The following PRKG1 variants were observed in gnomAD, a reference collection of about 807,000 sequenced individuals.
PRKG1 encodes the protein protein kinase cGMP-dependent 1.
PRKG1 carries 35 observed loss-of-function variants against 88.1 expected under a neutral mutation model. The observed-to-expected ratio is 0.40, with a 90% CI of 0.30 to 0.53. The LOEUF is 0.53. PRKG1 is among the 20% of genes least tolerant of loss of function. PRKG1 has a pLI of 0.59. For synonymous variants in PRKG1, 303 were observed against 292.5 expected, an observed-to-expected ratio of 1.04 and a Z score of -0.37; for missense variants, 540 against 839.8, an observed-to-expected ratio of 0.64 and a Z score of 4.41.
chr10:51,773,041 G>A (rs1021365302), intron 3 of PRKG1, among the ~76,000 whole-genome samples: 10 of 152,160 alleles, frequency 6.6e-5, no homozygotes, highest in Admixed American at 2.6e-4. Flanking sequence ...CAAAGTCATT[G>A]TTTATTTAAT....
At chr10:51,630,593 C>T (rs1184727115) in intron 3 of PRKG1, among the ~76,000 whole-genome samples, 1 of 152,168 alleles carries the variant, frequency 6.6e-6, no homozygotes, top group African/African-American at 2.4e-5. Context: ...AAATGTATCT[C>T]ACAAAAACAA....
At chr10:52,042,309 T>C (rs933250060) in intron 5 of PRKG1, among the ~76,000 whole-genome samples, 11 of 152,142 alleles carry the variant, frequency 7.2e-5, no homozygotes, top group African/African-American at 2.7e-4. Flanking sequence ...AGCATCACAC[T>C]ACCTGACTTC....
chr10:51,874,354 C>T (rs932466565), intron 4 of PRKG1, among the ~76,000 whole-genome samples: 5 of 152,044 alleles, frequency 3.3e-5, no homozygotes, highest in South Asian at 2.1e-4. Flanking sequence ...TTGCAGAAAA[C>T]GTAAAAGTTA....
At chr10:51,095,406 A>C (rs895316856) in intron 1 of PRKG1, among the ~76,000 whole-genome samples, 1 of 152,074 alleles carries the variant, frequency 6.6e-6, no homozygotes, top group Non-Finnish European at 1.5e-5. Context: ...TGCACACTTA[A>C]CTCAGGTTCA....
intron 1 of PRKG1, among the ~76,000 whole-genome samples, chr10:50,993,839 G>GTTT (rs1050820029): frequency 1.3e-5 from 2 of 152,116 alleles, no homozygotes; most frequent in Non-Finnish European, 2.9e-5. Flanking sequence ...TGTTGTTGTT[G>GTTT]TTTGTATGTA....
At chr10:51,413,672 A>T (rs535118538) in intron 2 of PRKG1, among the ~76,000 whole-genome samples, 20 of 152,220 alleles carry the variant, frequency 1.3e-4, no homozygotes, top group Admixed American at 2.6e-4. Context: ...AAAAGTTTTT[A>T]AAAAAATACT....
chr10:51,484,158 A>G (rs1466588862), intron 3 of PRKG1, among the ~76,000 whole-genome samples: 1 of 152,202 alleles, frequency 6.6e-6, no homozygotes, highest in African/African-American at 2.4e-5. Flanking sequence ...AGTCTATAGC[A>G]TGAAACAGGA....
In PRKG1 at chr10:51,105,390, G is replaced by A. The variant is rs372519096; in HGVS notation, c.311+30489G>A. 2.9e-4 allele frequency among the ~76,000 whole-genome samples: 44 copies of A among 152,204 alleles called. 1 individual carries two copies. The East Asian group carries it at 7.5e-3, about 26-fold the overall frequency. ...CTCTATTAGACTGATCTCCTACCTT[G>A]GATGTGTGGTATTATGTGATGAAGG... On this transcript the variant is annotated intron_variant, in intron 1 of 17. Coordinates refer to ENST00000373980, the MANE Select transcript of PRKG1 (RefSeq NM_006258.4).
At chr10:51,720,455 G>A (rs984874779) in intron 3 of PRKG1, among the ~76,000 whole-genome samples, 23 of 152,192 alleles carry the variant, frequency 1.5e-4, no homozygotes, top group Non-Finnish European at 7.3e-5. Flanking sequence ...TTTACAGCCT[G>A]TCATGTCCTG....
At chr10:51,980,682 A>G (rs1403595525) in intron 5 of PRKG1, among the ~76,000 whole-genome samples, 1 of 152,228 alleles carries the variant, frequency 6.6e-6, no homozygotes, top group Non-Finnish European at 1.5e-5. Flanking sequence ...GGGCATGTAT[A>G]TATTTAGGAT....
chr10:51,446,254 C>T (rs1044284448), intron 2 of PRKG1, among the ~76,000 whole-genome samples: 3 of 151,770 alleles, frequency 2.0e-5, no homozygotes, highest in African/African-American at 7.3e-5. Context: ...CTTTTCTTTC[C>T]TTCTTTTCTT....
chr10:51,300,973 T>C (rs1840868574), intron 2 of PRKG1, among the ~76,000 whole-genome samples: 1 of 152,226 alleles, frequency 6.6e-6, no homozygotes, highest in African/African-American at 2.4e-5. Context: ...TAATACTAAC[T>C]GAAGGTCCCA....
chr10:51,606,538 T>C (rs1291611067), intron 3 of PRKG1, among the ~76,000 whole-genome samples: 2 of 152,220 alleles, frequency 1.3e-5, no homozygotes, highest in Non-Finnish European at 2.9e-5. Flanking sequence ...AAAGAATTAA[T>C]GGCATCTTTT....
rs896359914 is a variant in PRKG1, at chr10:51,285,142, G to A, written c.478+131812G>A. Among the ~76,000 whole-genome samples the A allele has an allele frequency of 6.8e-5, 10 of 146,006 alleles. 1 individual carries two copies. Among genetic ancestry groups the A allele is most frequent in the African/African-American group, 1.5e-4 (6 of 39,186 alleles). On this transcript the variant is annotated intron_variant, in intron 2 of 17. Transcript: ENST00000373980. ...TTCCCACCTATGAGTGAGAATATGC[G>A]GTGTTTGGTTTTTTGTTCTTGCGAT...
At chr10:51,004,978 G>A (rs2132718523) in intron 1 of PRKG1, among the ~76,000 whole-genome samples, 1 of 152,014 alleles carries the variant, frequency 6.6e-6, no homozygotes, top group South Asian at 2.1e-4. Context: ...AGGGAGATTT[G>A]GACATATATG....
intron 4 of PRKG1, among the ~76,000 whole-genome samples, chr10:51,822,369 G>T (rs1383925496): frequency 6.6e-6 from 1 of 152,064 alleles, no homozygotes; most frequent in African/African-American, 2.4e-5. Context: ...ACTAAAAAAA[G>T]TAGAACTCCT....
intron 4 of PRKG1, among the ~76,000 whole-genome samples, chr10:51,859,578 A>G (rs1589365444): frequency 6.6e-6 from 1 of 152,162 alleles, no homozygotes; most frequent in Admixed American, 6.5e-5. Context: ...AAATAATTGA[A>G]TATTACATGC....
At chr10:51,759,095 A>G (rs1837950585) in intron 3 of PRKG1, among the ~76,000 whole-genome samples, 1 of 152,070 alleles carries the variant, frequency 6.6e-6, no homozygotes, top group Admixed American at 6.5e-5. Flanking sequence ...CAAATCTATC[A>G]TTGATGAGCA....
chr10:51,231,012 A>T (rs1453909198), intron 2 of PRKG1, among the ~76,000 whole-genome samples: 1 of 152,180 alleles, frequency 6.6e-6, no homozygotes, highest in African/African-American at 2.4e-5. Flanking sequence ...ACTGTAAACC[A>T]TTAAGTCTGG....
Sources: gnomAD v4.1 joint callset for allele counts (sites outside exome capture counted in the v4.1 genomes callset) on GRCh38, gnomAD v4.1.1 for gene constraint, MANE v1.5 for transcripts, NCBI Gene and HGNC (gene_info 2026-07-23, HGNC 2026-07-21) for gene names.